Variants in ZNF106 observed in about 807,000 individuals in gnomAD.
The protein encoded by ZNF106 is zinc finger protein 106, also known as SH3-domain binding protein 3.
In ZNF106, 67 loss-of-function variants were observed where a neutral mutation model predicts 195.1. The ratio of observed to expected loss-of-function variants is 0.34; its 90% CI spans 0.28 to 0.42. The LOEUF (loss-of-function observed/expected upper bound fraction) is 0.42, where lower values mean the gene tolerates loss of function less well. Ranked by LOEUF, ZNF106 falls within the 10% of genes least tolerant of loss-of-function variation. The pLI is 1.00. For missense variants in ZNF106, 2,118 were observed against 2,304.5 expected (o/e 0.92, Z 1.66); for synonymous variants, 784 against 818.6 (o/e 0.96, Z 0.72).
chr15:42,444,867 G>T lies in ZNF106; in HGVS notation c.3320C>A (p.Ala1107Asp), dbSNP rs2055708760. 1 of 1,614,004 alleles carries T rather than the reference G, an allele frequency of 6.2e-7. No homozygotes were observed. The highest frequency in any genetic ancestry group is 1.3e-5 in the African/African-American group (1 of 74,916). Residue 1107 changes from alanine to aspartate, a missense_variant, in exon 8 of 22, where the codon GCT becomes GAT. By Grantham distance (126) the Ala-to-Asp change is moderately radical. Coordinates refer to ENST00000564754, the MANE Select transcript of ZNF106 (RefSeq NM_001366845.3). ...AAGTAGCCTCTGAACTTCCACATAAGCTGTCTGAAGGGCTGCACGGGCTTG... is the reference window on the plus strand; with the variant it reads ...AAGTAGCCTCTGAACTTCCACATAATCTGTCTGAAGGGCTGCACGGGCTTG... ...LLQARAALQTAYVEVQRLLML... is the reference protein window; with the variant it reads ...LLQARAALQTDYVEVQRLLML...
At chr15:42,464,443 C>T (rs2056466011) in intron 3 of ZNF106, among the ~76,000 whole-genome samples, 1 of 151,746 alleles carries the variant, frequency 6.6e-6, no homozygotes, top group African/African-American at 2.4e-5. Flanking sequence ...TATCTTGTTT[C>T]CAAACTTCAA....
chr15:42,435,008 GGTGAATCCACCC>G (rs545542967), intron 14 of ZNF106, among the ~76,000 whole-genome samples: 71 of 152,168 alleles, frequency 4.7e-4, no homozygotes, highest in African/African-American at 1.7e-3. Flanking sequence ...CCCAACCTCA[GGTGAATCCACCC>G]GCCTCTGCCT....
intron 1 of ZNF106, among the ~76,000 whole-genome samples, chr15:42,478,017 T>C (rs985444016): frequency 6.6e-6 from 1 of 152,074 alleles, no homozygotes; most frequent in Admixed American, 6.6e-5. Flanking sequence ...TCTCACTCTG[T>C]TGCCCAGGCT....
At chr15:42,436,029 C>A (rs903660122) in intron 13 of ZNF106, among the ~76,000 whole-genome samples, 1 of 151,646 alleles carries the variant, frequency 6.6e-6, no homozygotes, top group African/African-American at 2.4e-5. Context: ...TCTCAGCTCA[C>A]TGCAAGCTCT....
chr15:42,473,197 T>C (rs918904693), intron 1 of ZNF106, among the ~76,000 whole-genome samples: 1 of 152,164 alleles, frequency 6.6e-6, no homozygotes, highest in Non-Finnish European at 1.5e-5. Flanking sequence ...GTTCAGCCAG[T>C]AAGTACGCAA....
At chr15:42,460,161 G>A (rs984696250) in intron 3 of ZNF106, among the ~76,000 whole-genome samples, 5 of 152,028 alleles carry the variant, frequency 3.3e-5, no homozygotes, top group East Asian at 1.9e-4. Flanking sequence ...TGCAGTACCA[G>A]AGACATCTTT....
intron 19 of ZNF106, among the ~76,000 whole-genome samples, chr15:42,421,709 T>C (rs1179853531): frequency 1.3e-5 from 2 of 152,218 alleles, no homozygotes; most frequent in African/African-American, 4.8e-5. Context: ...CTGTAGTTGA[T>C]ACTACCATTT....
Position 42,415,924 on chromosome 15 carries a change from GT to G in ZNF106, c.*1379del, listed in dbSNP as rs2054443094. 1 of 152,576 alleles carries G rather than the reference GT, an allele frequency of 6.6e-6. No homozygotes were observed. Among genetic ancestry groups the G allele is most frequent in the African/African-American group, 2.4e-5 (1 of 41,326 alleles). 9.5% of individuals were successfully genotyped at this position (152,576 alleles called of 1,614,324 possible). A position where few individuals can be genotyped will look rare whatever the true frequency, so the allele number is the denominator to read the frequency against. ...TTTTTGTATTTTTAGTAGAGACGGG[GT>G]TTTGCCATGTTGGCCAGGCTGGTCT... On this transcript the variant is annotated 3_prime_UTR_variant, in exon 22 of 22. Coordinates refer to ENST00000564754, the MANE Select transcript of ZNF106 (RefSeq NM_001366845.3).
chr15:42,414,976 A>G lies in ZNF106; in HGVS notation c.*2328T>C, dbSNP rs1025205168. ...ACAAATATTTAATACACCTTTTGCA[A>G]CAAGATCTTCTCTGTTCTCCATTAA... On this transcript the variant is annotated 3_prime_UTR_variant, in exon 22 of 22. Transcript: ENST00000564754. The G allele has an allele frequency of 2.0e-5, 3 of 152,312 alleles. No individual in the cohort carries two copies. The highest frequency in any genetic ancestry group is 7.2e-5 in the African/African-American group (3 of 41,432). The allele number at this position is 152,312 out of a possible 1,614,324, so 9.4% of individuals were successfully genotyped here.
At chr15:42,472,346 T>A in intron 1 of ZNF106, 25 bp from the exon 2 acceptor site, 1 of 1,501,780 alleles carries the variant, frequency 6.7e-7, no homozygotes, top group Non-Finnish European at 8.9e-7. Context: ...TAACATTTAG[T>A]AACCTTTTCT....
In ZNF106 at chr15:42,416,225, G is replaced by T. The variant is rs1481086426; in HGVS notation, c.*1079C>A. 6.6e-6 allele frequency: 1 copy of T among 152,196 alleles called. No individual in the cohort carries two copies. Among genetic ancestry groups the T allele is most frequent in the East Asian group, 1.9e-4 (1 of 5,198 alleles). 9.4% of individuals were successfully genotyped at this position (152,196 alleles called of 1,614,324 possible). On this transcript the variant is annotated 3_prime_UTR_variant, in exon 22 of 22. Transcript: ENST00000564754. ...AGCAGGGAAGTGAAGGCAAAGAACT[G>T]TCTCAGAAACAAGTCTCTAGGAAGT...
At position 42,416,426 on chromosome 15, in the gene ZNF106, A is replaced by G. The variant is rs532191119; in HGVS notation, c.*878T>C. 6.6e-6 allele frequency: 1 copy of G among 152,442 alleles called. No individual in the cohort carries two copies. Among genetic ancestry groups the G allele is most frequent in the South Asian group, 2.1e-4 (1 of 4,828 alleles). 9.4% of individuals were successfully genotyped at this position (152,442 alleles called of 1,614,324 possible). A position where few individuals can be genotyped will look rare whatever the true frequency, so the allele number is the denominator to read the frequency against. ...GAGAGATGGAGGCTGGCAACTGAAC[A>G]AACCAAAAGGGTTCAAACCAACATT... is the stretch of plus-strand genomic sequence containing the variant. On this transcript the variant is annotated 3_prime_UTR_variant, in exon 22 of 22. Transcript: ENST00000564754.
chr15:42,442,242 AGAGGCTCCG>A lies in ZNF106; in HGVS notation c.3585_3593del (p.Gly1196_Ser1198del). 1 of 1,614,156 alleles carries A rather than the reference AGAGGCTCCG, an allele frequency of 6.2e-7. No homozygotes were observed. Among genetic ancestry groups the A allele is most frequent in the Non-Finnish European group, 8.5e-7 (1 of 1,180,028 alleles). On this transcript the variant is annotated inframe_deletion, in exon 10 of 22. Transcript: ENST00000564754. ...AAGTAGGAGACGTGGTTATTTGAAG[AGAGGCTCCG>A]GTGGGTGATGGAGACACATGGGAAG...
At chr15:42,473,496 A>G (rs1353526938) in intron 1 of ZNF106, among the ~76,000 whole-genome samples, 2 of 151,634 alleles carry the variant, frequency 1.3e-5, no homozygotes, top group Non-Finnish European at 2.9e-5. Flanking sequence ...GCACCTCTAC[A>G]TTTTCTGTTC....
rs1388759027 is a variant in ZNF106, at chr15:42,416,559, G to C, written c.*745C>G. On this transcript the variant is annotated 3_prime_UTR_variant, in exon 22 of 22. Transcript: ENST00000564754. ...GCCCAGGTTCAACAGCAGATGTAAA[G>C]GTAGACGTTAGGTCTACGCACTGCC... is the stretch of plus-strand genomic sequence containing the variant. 1 of 152,228 alleles carries C rather than the reference G, an allele frequency of 6.6e-6. No homozygotes were observed. Among genetic ancestry groups the C allele is most frequent in the Non-Finnish European group, 1.5e-5 (1 of 68,082 alleles). 9.4% of individuals were successfully genotyped at this position (152,228 alleles called of 1,614,324 possible).
intron 1 of ZNF106, among the ~76,000 whole-genome samples, chr15:42,474,583 T>C (rs2056748041): frequency 6.6e-6 from 1 of 152,012 alleles, no homozygotes; most frequent in Admixed American, 6.6e-5. Flanking sequence ...ACATAGTGTC[T>C]CTACAAAAAA....
At chr15:42,454,963 A>G (rs1010807949) in intron 4 of ZNF106, among the ~76,000 whole-genome samples, 1 of 152,190 alleles carries the variant, frequency 6.6e-6, no homozygotes, top group African/African-American at 2.4e-5. Flanking sequence ...AAAAGACTCA[A>G]AAAATAGTAA....
In ZNF106 at chr15:42,415,063, G is replaced by C. The variant is rs7178396; in HGVS notation, c.*2241C>G. ...GGCTTTCCCCAAGGACAGAAGTCAA[G>C]AGCTTGTGGGGCCATATATTATCTA... On this transcript the variant is annotated 3_prime_UTR_variant, in exon 22 of 22. Transcript: ENST00000564754. 6,899 of 153,828 alleles carry C rather than the reference G, an allele frequency of 0.045. 473 individuals are homozygous for C. Among genetic ancestry groups the C allele is most frequent in the African/African-American group, 0.14 (5,901 of 41,340 alleles). The allele number at this position is 153,828 out of a possible 1,614,324, so 9.5% of individuals were successfully genotyped here. A position where few individuals can be genotyped will look rare whatever the true frequency, so the allele number is the denominator to read the frequency against.
At chr15:42,419,662 G>A (rs2054586890) in intron 20 of ZNF106, among the ~76,000 whole-genome samples, 1 of 151,986 alleles carries the variant, frequency 6.6e-6, no homozygotes, top group South Asian at 2.1e-4. Flanking sequence ...TTTCTTAAAA[G>A]TAATGCAGGC....
Sources: gnomAD v4.1 joint callset for allele counts (sites outside exome capture counted in the v4.1 genomes callset) on GRCh38, gnomAD v4.1.1 for gene constraint, MANE v1.5 for transcripts, NCBI Gene and HGNC (gene_info 2026-07-23, HGNC 2026-07-21) for gene names.